Variants in CAST observed in about 807,000 individuals in gnomAD.
CAST encodes the protein calpastatin.
In CAST, 76 loss-of-function variants were observed where a neutral mutation model predicts 119.6. That is an observed-to-expected ratio of 0.64 (90% CI 0.53 to 0.77). The LOEUF (loss-of-function observed/expected upper bound fraction) is 0.77. CAST is among the 30% of genes least tolerant of loss of function. The pLI is 0.00. For synonymous variants in CAST, 319 were observed against 331.6 expected (o/e 0.96, Z 0.41); for missense variants, 953 against 946.5 (o/e 1.01, Z -0.09).
At chr5:96,662,322 T>C (rs1270027253), upstream of CAST, 23 of 567,028 alleles carry the variant, frequency 4.1e-5, no homozygotes, top group South Asian at 3.5e-4. Context: ...GGCCCTCCGC[T>C]CCCTCCCTCC....
chr5:96,455,830 A>G, the CAST span, among the ~76,000 whole-genome samples: 3 of 152,112 alleles, frequency 2.0e-5, no homozygotes, highest in African/African-American at 7.2e-5. Flanking sequence ...CATAGCTTGG[A>G]ATTATTTATG....
At position 96,742,752 on chromosome 5, in the gene CAST, A is replaced by G. The variant is rs144157006; in HGVS notation, c.1196A>G (p.Asp399Gly). ...GACCTCCGCTCAATTAAGGAAGTCG[A>G]TGAGGTACTGACCTTAGAGTTGATT... is the stretch of plus-strand genomic sequence containing the variant. ...ELDLRSIKEV[D>G]EAKAKEEKLE... Residue 399 changes from aspartate to glycine, a missense_variant, in exon 16 of 32, where the codon GAT (aspartate) becomes GGT (glycine). Asp to Gly is a moderately conservative substitution (Grantham distance 94). Coordinates refer to ENST00000675179, the MANE Select transcript of CAST (RefSeq NM_001750.7). 1,491 of 1,610,760 alleles carry G rather than the reference A, an allele frequency of 9.3e-4. 1 individual carries two copies. Among genetic ancestry groups the G allele is most frequent in the Non-Finnish European group, 1.2e-3 (1,396 of 1,176,964 alleles).
the CAST span, among the ~76,000 whole-genome samples, chr5:96,348,600 A>C: frequency 8.5e-5 from 13 of 152,068 alleles, no homozygotes; most frequent in Non-Finnish European, 1.2e-4. Context: ...CAGATGGTTT[A>C]TTTTCCCCCA....
At chr5:96,356,313 G>T in the CAST span, among the ~76,000 whole-genome samples, 3 of 152,090 alleles carry the variant, frequency 2.0e-5, no homozygotes, top group Admixed American at 6.5e-5. Flanking sequence ...AATTTCTTTT[G>T]CTGTGCGGAA....
Position 96,770,405 on chromosome 5 carries a change from C to T in CAST, c.2269-126C>T, listed in dbSNP as rs774429419. ...TCAAAAAAAATCATGAAAAAACACC[C>T]AAAGTCTTCCATTATTTAATTAAAT... is the stretch of plus-strand genomic sequence containing the variant. On this transcript the variant is annotated intron_variant, in intron 29 of 31. Transcript: ENST00000675179. 1.8e-4 allele frequency: 114 copies of T among 625,276 alleles called. 1 individual carries two copies. The highest frequency in any genetic ancestry group is 2.5e-4 in the Non-Finnish European group (88 of 345,168). 38.7% of individuals were successfully genotyped at this position (625,276 alleles called of 1,614,324 possible). A position where few individuals can be genotyped will look rare whatever the true frequency, so the allele number is the denominator to read the frequency against.
At chr5:96,166,083 G>A in the CAST span, among the ~76,000 whole-genome samples, 1 of 152,152 alleles carries the variant, frequency 6.6e-6, no homozygotes, top group Non-Finnish European at 1.5e-5. Flanking sequence ...TGTGAGATGA[G>A]TTCTTCCACA....
At chr5:96,313,352 C>G in the CAST span, among the ~76,000 whole-genome samples, 2 of 152,250 alleles carry the variant, frequency 1.3e-5, no homozygotes, top group East Asian at 3.9e-4. Flanking sequence ...TCCTCCACTT[C>G]CAGACACTGG....
chr5:96,734,227 A>C lies in CAST; in HGVS notation c.631-1945A>C, dbSNP rs117889355. ...GAATGGTGGGGCTGTAAGACCAGAAAGACAGGTTGAGCACTGCTGTGGAGA... is the reference window on the plus strand; with the variant it reads ...GAATGGTGGGGCTGTAAGACCAGAACGACAGGTTGAGCACTGCTGTGGAGA... On this transcript the variant is annotated intron_variant, in intron 9 of 31. Coordinates refer to ENST00000675179, the MANE Select transcript of CAST (RefSeq NM_001750.7). Among the ~76,000 whole-genome samples, 25 of 152,342 alleles carry C rather than the reference A, an allele frequency of 1.6e-4. No homozygotes were observed. In the East Asian group the frequency reaches 4.8e-3, roughly 29 times the overall value.
intron 1 of CAST, among the ~76,000 whole-genome samples, chr5:96,670,377 T>C (rs1749904276): frequency 6.6e-6 from 1 of 152,186 alleles, no homozygotes; most frequent in Non-Finnish European, 1.5e-5. Flanking sequence ...ATAATAATAA[T>C]AAAGCAAAGG....
At chr5:96,632,266 A>G (rs1268670353) in intron 1 of CAST, among the ~76,000 whole-genome samples, 1 of 151,606 alleles carries the variant, frequency 6.6e-6, no homozygotes, top group African/African-American at 2.4e-5. Context: ...TATGAGATGT[A>G]TAATTTGCAA....
intron 9 of CAST, among the ~76,000 whole-genome samples, chr5:96,732,041 T>C (rs922076754): frequency 1.3e-5 from 2 of 151,414 alleles, no homozygotes; most frequent in African/African-American, 4.9e-5. Context: ...CTAGGTCAAA[T>C]GGTATTTCTA....
At chr5:96,268,536 C>T in the CAST span, among the ~76,000 whole-genome samples, 13 of 152,230 alleles carry the variant, frequency 8.5e-5, no homozygotes, top group East Asian at 2.1e-3. Context: ...TATGATTGCA[C>T]CACTGCACTC....
the CAST span, among the ~76,000 whole-genome samples, chr5:96,074,200 A>AGTGAG: frequency 6.6e-6 from 1 of 151,492 alleles, no homozygotes; most frequent in African/African-American, 2.4e-5. Flanking sequence ...TGTTTCTGTA[A>AGTGAG]GTGATTCAAT....
chr5:96,212,218 A>C, the CAST span, among the ~76,000 whole-genome samples: 1 of 151,992 alleles, frequency 6.6e-6, no homozygotes, highest in Admixed American at 6.6e-5. Context: ...GTAGGAGTTT[A>C]GGTTACTGAT....
At chr5:96,550,200 A>G (rs908323562) in intron 1 of CAST, among the ~76,000 whole-genome samples, 2 of 152,202 alleles carry the variant, frequency 1.3e-5, no homozygotes, top group Admixed American at 6.5e-5. Flanking sequence ...TCTGGAATGA[A>G]GCCTCCAGAG....
At chr5:96,620,998 C>T (rs1415405138) in intron 1 of CAST, among the ~76,000 whole-genome samples, 1 of 152,278 alleles carries the variant, frequency 6.6e-6, no homozygotes, top group East Asian at 1.9e-4. Flanking sequence ...AAGGCAAAGC[C>T]GGTTCTTAAC....
At chr5:96,459,258 C>T in the CAST span, among the ~76,000 whole-genome samples, 17 of 152,076 alleles carry the variant, frequency 1.1e-4, no homozygotes, top group Non-Finnish European at 1.3e-4. Context: ...CTTGGCAATA[C>T]GAACATGACA....
the CAST span, among the ~76,000 whole-genome samples, chr5:96,080,900 A>G: frequency 6.6e-6 from 1 of 152,156 alleles, no homozygotes; most frequent in South Asian, 2.1e-4. Flanking sequence ...CCCCTGTGTT[A>G]TGTGGTAGGA....
intron 1 of CAST, among the ~76,000 whole-genome samples, chr5:96,556,809 C>A (rs1166596492): frequency 6.6e-6 from 1 of 152,168 alleles, no homozygotes; most frequent in African/African-American, 2.4e-5. Flanking sequence ...AGGAAAACTT[C>A]CCCAATCTAG....
Sources: gnomAD v4.1 joint callset for allele counts (sites outside exome capture counted in the v4.1 genomes callset) on GRCh38, gnomAD v4.1.1 for gene constraint, MANE v1.5 for transcripts, NCBI Gene and HGNC (gene_info 2026-07-23, HGNC 2026-07-21) for gene names.